Variants in NEK11 observed in about 807,000 individuals in gnomAD.
NEK11 encodes the protein serine/threonine-protein kinase Nek11.
NEK11 carries 72 observed loss-of-function variants against 80.7 expected under a neutral mutation model. That is an observed-to-expected ratio of 0.89 (90% CI 0.74 to 1.08). NEK11 has a LOEUF of 1.08. Ranked by LOEUF, NEK11 falls within the 50% of genes least tolerant of loss-of-function variation. The probability of loss-of-function intolerance (pLI) is 0.00; values close to 1 mark genes in which losing one functional copy is unlikely to be tolerated. For missense variants in NEK11, 764 were observed against 763.6 expected (o/e 1.00, Z -0.01); for synonymous variants, 251 against 260.7 (o/e 0.96, Z 0.36).
chr3:131,071,646 T>C (rs1327034222), intron 3 of NEK11, among the ~76,000 whole-genome samples: 1 of 152,086 alleles, frequency 6.6e-6, no homozygotes, highest in East Asian at 1.9e-4. Context: ...GTTTTCAAAT[T>C]AAACAAATAT....
At chr3:131,249,079 G>A (rs2095654473) in intron 16 of NEK11, among the ~76,000 whole-genome samples, 1 of 150,922 alleles carries the variant, frequency 6.6e-6, no homozygotes, top group Non-Finnish European at 1.5e-5. Flanking sequence ...TCTGCTTGAA[G>A]TCCCACTAAC....
At chr3:131,273,823 A>G (rs956440817) in intron 17 of NEK11, among the ~76,000 whole-genome samples, 1 of 152,240 alleles carries the variant, frequency 6.6e-6, no homozygotes, top group African/African-American at 2.4e-5. Context: ...TTCTTGCAGC[A>G]CAGCACATTC....
At chr3:131,286,317 T>C (rs1338307418) in intron 17 of NEK11, among the ~76,000 whole-genome samples, 1 of 152,188 alleles carries the variant, frequency 6.6e-6, no homozygotes, top group Non-Finnish European at 1.5e-5. Flanking sequence ...TTTATGTTCA[T>C]AGTGCCAAGG....
chr3:131,318,528 TAA>T (rs2096866194), intron 17 of NEK11, among the ~76,000 whole-genome samples: 1 of 152,074 alleles, frequency 6.6e-6, no homozygotes, highest in Non-Finnish European at 1.5e-5. Flanking sequence ...ATAAATAGCC[TAA>T]AAGTATCAAT....
chr3:131,042,537 C>CA lies in NEK11; in HGVS notation c.170+12659_170+12660insA, dbSNP rs781699027. Among the ~76,000 whole-genome samples, 6 of 152,280 alleles carry CA rather than the reference C, an allele frequency of 3.9e-5. No homozygotes were observed. The East Asian group carries it at 7.7e-4, about 20-fold the overall frequency. On this transcript the variant is annotated intron_variant, in intron 3 of 17. Coordinates refer to ENST00000383366, the MANE Select transcript of NEK11 (RefSeq NM_024800.5). ...GGAGCCTACTGCAGTGCCACAAAGC[C>CA]GCTGTAGCCAGACTGTCTCTCTAGA... is the stretch of plus-strand genomic sequence containing the variant.
chr3:131,040,612 G>T (rs906515572), intron 3 of NEK11, among the ~76,000 whole-genome samples: 3 of 152,150 alleles, frequency 2.0e-5, no homozygotes, highest in Admixed American at 2.0e-4. Flanking sequence ...GATACTTTCA[G>T]CTGAGTGCTG....
At chr3:131,334,845 A>C (rs2097154641) in intron 17 of NEK11, among the ~76,000 whole-genome samples, 1 of 152,258 alleles carries the variant, frequency 6.6e-6, no homozygotes, top group South Asian at 2.1e-4. Flanking sequence ...AAACACCTCT[A>C]CGCAAATAAA....
intron 17 of NEK11, among the ~76,000 whole-genome samples, chr3:131,275,955 G>C (rs2096284005): frequency 6.6e-6 from 1 of 152,212 alleles, no homozygotes; most frequent in South Asian, 2.1e-4. Flanking sequence ...TAGGAGCATG[G>C]CCATGAGCCA....
chr3:131,279,115 A>G (rs1470595382), intron 17 of NEK11, among the ~76,000 whole-genome samples: 1 of 152,018 alleles, frequency 6.6e-6, no homozygotes, highest in African/African-American at 2.4e-5. Flanking sequence ...TCACACCTGT[A>G]ATCCCAGCAC....
At chr3:131,063,073 A>G (rs895241677) in intron 3 of NEK11, among the ~76,000 whole-genome samples, 3 of 152,220 alleles carry the variant, frequency 2.0e-5, no homozygotes, top group African/African-American at 7.2e-5. Context: ...TGCCCAGGCT[A>G]GAGTGCAGTG....
At chr3:131,288,943 C>T (rs866585628) in intron 17 of NEK11, among the ~76,000 whole-genome samples, 6 of 152,128 alleles carry the variant, frequency 3.9e-5, no homozygotes, top group Admixed American at 6.5e-5. Context: ...AACTATAAAA[C>T]GGAGATTAAA....
At chr3:131,059,868 G>A (rs147527905) in intron 3 of NEK11, among the ~76,000 whole-genome samples, 1 of 152,180 alleles carries the variant, frequency 6.6e-6, no homozygotes, top group Admixed American at 6.5e-5. Context: ...CAAGAATGAG[G>A]TTGGTTAGTT....
chr3:131,197,727 A>T (rs1403836218), intron 14 of NEK11, among the ~76,000 whole-genome samples: 1 of 152,140 alleles, frequency 6.6e-6, no homozygotes, highest in Non-Finnish European at 1.5e-5. Context: ...AGGGGAGGGA[A>T]GTATGTCCTC....
Position 131,050,061 on chromosome 3 carries a change from T to TG in NEK11, c.170+20190dup, listed in dbSNP as rs140943051. Among the ~76,000 whole-genome samples the TG allele has an allele frequency of 4.9e-3, 748 of 152,204 alleles. 10 individuals carry two copies. Among genetic ancestry groups the TG allele is most frequent in the African/African-American group, 0.017 (711 of 41,522 alleles). On this transcript the variant is annotated intron_variant, in intron 3 of 17. Transcript: ENST00000383366. ...CCATGCCTTTGCAGTGTGAGGTTAA[T>TG]GGGGGGGTGTCCCCTCAGCAGCTGC...
intron 10 of NEK11, among the ~76,000 whole-genome samples, chr3:131,159,700 G>A (rs2091265289): frequency 6.6e-6 from 1 of 152,116 alleles, no homozygotes; most frequent in Non-Finnish European, 1.5e-5. Flanking sequence ...GGGAGGCGGA[G>A]GTTGCAGTGA....
At chr3:131,284,087 C>T (rs1000231615) in intron 17 of NEK11, among the ~76,000 whole-genome samples, 2 of 152,176 alleles carry the variant, frequency 1.3e-5, no homozygotes, top group Admixed American at 6.5e-5. Flanking sequence ...AGACTGAGGG[C>T]AAATGCCAGG....
intron 3 of NEK11, among the ~76,000 whole-genome samples, chr3:131,050,989 C>T (rs1373476534): frequency 2.0e-5 from 3 of 152,214 alleles, no homozygotes; most frequent in Admixed American, 2.0e-4. Flanking sequence ...ACTAGAATTG[C>T]ACCACAGCAT....
At chr3:131,222,252 C>A (rs891454403) in intron 14 of NEK11, among the ~76,000 whole-genome samples, 1 of 152,158 alleles carries the variant, frequency 6.6e-6, no homozygotes, top group Non-Finnish European at 1.5e-5. Context: ...TGGTCATTAG[C>A]TTGTCTGAAC....
At chr3:131,344,569 A>ATT (rs1273140845) in intron 17 of NEK11, among the ~76,000 whole-genome samples, 2 of 152,076 alleles carry the variant, frequency 1.3e-5, no homozygotes, top group East Asian at 3.9e-4. Flanking sequence ...TTTCTGTATT[A>ATT]GGCTATTTGT....
Sources: gnomAD v4.1 joint callset for allele counts (sites outside exome capture counted in the v4.1 genomes callset) on GRCh38, gnomAD v4.1.1 for gene constraint, MANE v1.5 for transcripts, NCBI Gene and HGNC (gene_info 2026-07-23, HGNC 2026-07-21) for gene names.